CSMD1: variants seen among roughly 807,000 people sequenced by gnomAD.
CSMD1 encodes CUB and sushi domain-containing protein 1.
A neutral mutation model predicts 417.5 loss-of-function variants in CSMD1; 213 were observed. The observed-to-expected ratio is 0.51, with a 90% CI of 0.46 to 0.57. CSMD1 has a LOEUF of 0.57. Ranked by LOEUF, CSMD1 falls within the 20% of genes least tolerant of loss-of-function variation. The pLI, the probability that CSMD1 is intolerant of heterozygous loss-of-function variation, is 0.00. For missense variants in CSMD1, 6,923 were observed against 4,529.7 expected (o/e 1.53, Z -15.17); for synonymous variants, 2,862 against 1,736.8 (o/e 1.65, Z -16.11).
intron 1 of CSMD1, among the ~76,000 whole-genome samples, chr8:4,815,949 A>C (rs1290098363): frequency 6.6e-6 from 1 of 152,118 alleles, no homozygotes; most frequent in Non-Finnish European, 1.5e-5. Context: ...AAAGTGGATT[A>C]ATATTTGAAA....
At chr8:3,251,159 A>G (rs1171614571) in intron 26 of CSMD1, among the ~76,000 whole-genome samples, 1 of 152,080 alleles carries the variant, frequency 6.6e-6, no homozygotes, top group Non-Finnish European at 1.5e-5. Flanking sequence ...CCTGAATGGT[A>G]TTGCCTAGGT....
Position 4,517,529 on chromosome 8 carries a change from T to A in CSMD1, c.303-97464A>T, listed in dbSNP as rs540070524. 2.0e-5 allele frequency among the ~76,000 whole-genome samples: 3 copies of A among 152,346 alleles called. No individual in the cohort carries two copies. The East Asian group carries it at 5.8e-4, about 29-fold the overall frequency. On this transcript the variant is annotated intron_variant, in intron 2 of 69. Transcript: ENST00000635120. ...ATACTAAATGCTTAATAACTACTGA[T>A]TTCTAACTCCCTTTACTGCTTTATT...
chr8:4,828,174 G>C (rs969193004), intron 1 of CSMD1, among the ~76,000 whole-genome samples: 5 of 151,972 alleles, frequency 3.3e-5, no homozygotes, highest in Non-Finnish European at 7.4e-5. Flanking sequence ...CAAATACAGA[G>C]CTCATTTAAG....
At position 4,637,446 on chromosome 8, in the gene CSMD1, C is replaced by G. The variant is rs778752186; in HGVS notation, c.198G>C (p.Glu66Asp). ...GGAAGGACAACTGTATCCTATTGCG[C>G]TCGCCCGTGATGATGATCCAGGTGC... ...ANCTWIIITG[E>D]RNRIQLSFHT... Residue 66 changes from glutamate to aspartate, a missense_variant, in exon 2 of 70, where the codon GAG becomes GAC. Physicochemically the swap from Glu to Asp is conservative, Grantham distance 45 (BLOSUM62 2). Coordinates refer to ENST00000635120, the MANE Select transcript of CSMD1 (RefSeq NM_033225.6). 1.2e-5 allele frequency: 20 copies of G among 1,613,708 alleles called. No individual in the cohort carries two copies. The South Asian group carries it at 1.4e-4, about 12-fold the overall frequency.
intron 7 of CSMD1, among the ~76,000 whole-genome samples, chr8:3,641,791 A>G (rs769994664): frequency 6.6e-6 from 1 of 152,284 alleles, no homozygotes; most frequent in Non-Finnish European, 1.5e-5. Flanking sequence ...CCTGGTTCTC[A>G]AAAAACCATC....
intron 36 of CSMD1, among the ~76,000 whole-genome samples, chr8:3,186,223 C>G (rs184980685): frequency 1.3e-5 from 2 of 152,188 alleles, no homozygotes; most frequent in African/African-American, 4.8e-5. Context: ...TTCCTAACAA[C>G]AAACACAGTG....
intron 7 of CSMD1, among the ~76,000 whole-genome samples, chr8:3,638,516 T>C (rs1206828046): frequency 1.3e-5 from 2 of 151,882 alleles, no homozygotes; most frequent in Non-Finnish European, 2.9e-5. Flanking sequence ...TTCCTAAATA[T>C]ATTTGGTAAT....
chr8:3,385,708 A>G (rs1282175223), intron 18 of CSMD1, among the ~76,000 whole-genome samples: 2 of 152,122 alleles, frequency 1.3e-5, no homozygotes, highest in African/African-American at 4.8e-5. Flanking sequence ...TTTATGTTTA[A>G]ATATTTATTT....
chr8:3,730,158 T>G (rs1180401769), intron 6 of CSMD1, among the ~76,000 whole-genome samples: 3 of 152,042 alleles, frequency 2.0e-5, no homozygotes, highest in African/African-American at 7.2e-5. Flanking sequence ...AGGCTTCAAG[T>G]CCTTCCATTC....
intron 59 of CSMD1, among the ~76,000 whole-genome samples, chr8:2,963,771 C>G (rs916612381): frequency 5.9e-5 from 9 of 152,146 alleles, no homozygotes; most frequent in Admixed American, 2.6e-4. Flanking sequence ...TTTATAGGCA[C>G]AGATGGTAAG....
chr8:3,788,413 T>A (rs978416020), intron 5 of CSMD1, among the ~76,000 whole-genome samples: 2 of 152,114 alleles, frequency 1.3e-5, no homozygotes, highest in Non-Finnish European at 2.9e-5. Context: ...AAGTGAGGCT[T>A]CTGGAGGTGC....
intron 4 of CSMD1, among the ~76,000 whole-genome samples, chr8:4,014,466 G>A (rs909298333): frequency 1.3e-5 from 2 of 152,158 alleles, no homozygotes; most frequent in Admixed American, 6.5e-5. Flanking sequence ...CCTCTAAGAA[G>A]CTTTTTAGAC....
chr8:4,949,689 T>C (rs771172888), intron 1 of CSMD1, among the ~76,000 whole-genome samples: 2 of 152,178 alleles, frequency 1.3e-5, no homozygotes, highest in Non-Finnish European at 1.5e-5. Context: ...CATTAGTTAT[T>C]ATGAGAATTT....
chr8:4,140,901 G>A (rs890747540), intron 3 of CSMD1, among the ~76,000 whole-genome samples: 1 of 151,094 alleles, frequency 6.6e-6, no homozygotes, highest in Non-Finnish European at 1.5e-5. Flanking sequence ...CACAGGCTCA[G>A]TAGGGCCGAC....
intron 3 of CSMD1, among the ~76,000 whole-genome samples, chr8:4,398,202 G>C (rs976883114): frequency 6.6e-6 from 1 of 152,138 alleles, no homozygotes; most frequent in Non-Finnish European, 1.5e-5. Context: ...TGAGAATGTA[G>C]AAGGATGATC....
At chr8:4,320,367 T>C (rs766722413) in intron 3 of CSMD1, among the ~76,000 whole-genome samples, 5 of 152,176 alleles carry the variant, frequency 3.3e-5, no homozygotes, top group Admixed American at 2.6e-4. Context: ...CCTTTTTTAT[T>C]ATTATTATAC....
At chr8:4,275,183 C>G (rs1262165747) in intron 3 of CSMD1, among the ~76,000 whole-genome samples, 1 of 151,910 alleles carries the variant, frequency 6.6e-6, no homozygotes, top group South Asian at 2.1e-4. Context: ...GGGGTTTTTT[C>G]TTTCTAGTTT....
chr8:4,243,274 ATGAACTAGGTC>A (rs1802508890), intron 3 of CSMD1, among the ~76,000 whole-genome samples: 1 of 152,166 alleles, frequency 6.6e-6, no homozygotes, highest in South Asian at 2.1e-4. Flanking sequence ...ACCTAGTCTC[ATGAACTAGGTC>A]TGAATTTCAT....
At position 3,267,785 on chromosome 8, in the gene CSMD1, A is replaced by G. The variant is rs558586774; in HGVS notation, c.4153+16359T>C. 6.8e-4 allele frequency among the ~76,000 whole-genome samples: 103 copies of G among 152,188 alleles called. 1 individual carries two copies. The highest frequency in any genetic ancestry group is 5.2e-3 in the South Asian group (25 of 4,816). ...AGCAGCTGATGGGAGTGGAGCGGGG[A>G]GACCAAGGGGTGCAGAGGCCGGGGC... On this transcript the variant is annotated intron_variant, in intron 26 of 69. Coordinates refer to ENST00000635120, the MANE Select transcript of CSMD1 (RefSeq NM_033225.6).
Sources: allele counts gnomAD v4.1 joint callset (sites outside exome capture counted in the v4.1 genomes callset), GRCh38; gene constraint gnomAD v4.1.1; transcripts MANE v1.5; gene names NCBI Gene and HGNC (gene_info 2026-07-23, HGNC 2026-07-21).